Variants in FBXO11 observed in about 807,000 individuals in gnomAD.
The protein encoded by FBXO11 is F-box protein 11.
FBXO11 carries 13 observed loss-of-function variants against 117.0 expected under a neutral mutation model. The observed-to-expected ratio is 0.11, with a 90% confidence interval of 0.07 to 0.18. The LOEUF (loss-of-function observed/expected upper bound fraction) is 0.18, where lower values mean the gene tolerates loss of function less well. FBXO11 is among the 10% of genes least tolerant of loss of function. The pLI is 1.00. For missense variants in FBXO11, 767 were observed against 1,164.4 expected (o/e 0.66, Z 4.97); for synonymous variants, 490 against 380.5 (o/e 1.29, Z -3.35).
chr2:47,862,287 T>G (rs1023920723), intron 1 of FBXO11, among the ~76,000 whole-genome samples: 3 of 152,106 alleles, frequency 2.0e-5, no homozygotes, highest in African/African-American at 7.2e-5. Flanking sequence ...ATCTTGAAAT[T>G]TGAAAAAGCT....
intron 11 of FBXO11, 49 bp from the exon 12 acceptor site, chr2:47,823,409 A>C: frequency 7.4e-7 from 1 of 1,342,976 alleles, no homozygotes; most frequent in Non-Finnish European, 1.0e-6. Context: ...CTTTACAAAA[A>C]AAGAAATGCC....
At chr2:47,859,282 T>A (rs1410625929) in intron 1 of FBXO11, among the ~76,000 whole-genome samples, 1 of 151,878 alleles carries the variant, frequency 6.6e-6, no homozygotes, top group Non-Finnish European at 1.5e-5. Flanking sequence ...CATCCAGAGT[T>A]CAAAATATTA....
intron 1 of FBXO11, among the ~76,000 whole-genome samples, chr2:47,869,758 A>G (rs1304065301): frequency 6.6e-6 from 1 of 152,258 alleles, no homozygotes; most frequent in Non-Finnish European, 1.5e-5. Flanking sequence ...CGTGTTTTGC[A>G]TCCTTTTTTG....
At chr2:47,895,745 T>C (rs961497355) in intron 1 of FBXO11, among the ~76,000 whole-genome samples, 2 of 152,150 alleles carry the variant, frequency 1.3e-5, no homozygotes, top group South Asian at 2.1e-4. Context: ...CAGGCTGGAG[T>C]GCAGTGGCAT....
intron 1 of FBXO11, among the ~76,000 whole-genome samples, chr2:47,850,668 G>A (rs559849388): frequency 1.3e-5 from 2 of 152,272 alleles, no homozygotes; most frequent in South Asian, 2.1e-4. Flanking sequence ...TGTGGGCCCA[G>A]AATTGACCAA....
At chr2:47,862,173 G>C (rs1033708525) in intron 1 of FBXO11, among the ~76,000 whole-genome samples, 5 of 151,940 alleles carry the variant, frequency 3.3e-5, no homozygotes, top group Admixed American at 6.6e-5. Flanking sequence ...TGCCTGTTTC[G>C]GCCTCCCAAA....
At chr2:47,814,247 T>C (rs77292789) in intron 16 of FBXO11, 11,273 of 188,960 alleles carry the variant, frequency 0.06, 486 homozygotes, top group Middle Eastern at 0.11. Context: ...CATCAATTTT[T>C]TGGTTTACAT....
chr2:47,906,141 G>T lies in FBXO11; in HGVS notation c.-421C>A, dbSNP rs1287029103. On this transcript the variant is annotated 5_prime_UTR_variant, in exon 1 of 23. Coordinates refer to ENST00000403359, the MANE Select transcript of FBXO11 (RefSeq NM_001190274.2). Reference sequence around the variant, plus strand: ...ACTCGCGAGCGGCGTCTCCGGCAGCGGGGGGAGTGGGCGGGCGGGTGAGGA... The same window carrying T: ...ACTCGCGAGCGGCGTCTCCGGCAGCTGGGGGAGTGGGCGGGCGGGTGAGGA... 4.8e-6 allele frequency: 1 copy of T among 208,488 alleles called. No homozygotes were observed. Among genetic ancestry groups the T allele is most frequent in the Non-Finnish European group, 9.7e-6 (1 of 102,816 alleles). The allele number at this position is 208,488 out of a possible 1,614,324, so 12.9% of individuals were successfully genotyped here.
intron 1 of FBXO11, among the ~76,000 whole-genome samples, chr2:47,861,318 CTTTT>C (rs869265850): frequency 2.3e-5 from 3 of 132,624 alleles, no homozygotes; most frequent in Admixed American, 7.6e-5. Flanking sequence ...ATAGTCTGAC[CTTTT>C]TTTTTTTTTT....
chr2:47,868,520 G>A (rs551878966), intron 1 of FBXO11, among the ~76,000 whole-genome samples: 1 of 152,074 alleles, frequency 6.6e-6, no homozygotes, highest in Non-Finnish European at 1.5e-5. Context: ...TTTTATTTCT[G>A]GAACTCCTAA....
intron 1 of FBXO11, among the ~76,000 whole-genome samples, chr2:47,892,047 T>G (rs1365444753): frequency 6.6e-6 from 1 of 152,204 alleles, no homozygotes; most frequent in African/African-American, 2.4e-5. Flanking sequence ...TTTGCAAATA[T>G]TTTCTCCCAT....
At chr2:47,888,049 T>C in intron 1 of FBXO11, among the ~76,000 whole-genome samples, 1 of 152,086 alleles carries the variant, frequency 6.6e-6, no homozygotes, top group Non-Finnish European at 1.5e-5. Context: ...GAAAGATATA[T>C]ATATATGTAT....
At chr2:47,875,488 CTTTT>C (rs904064672) in intron 1 of FBXO11, among the ~76,000 whole-genome samples, 10 of 99,838 alleles carry the variant, frequency 1.0e-4, no homozygotes, top group South Asian at 2.8e-4. Flanking sequence ...TTCTGTCATT[CTTTT>C]TTTGTCTTTT....
chr2:47,874,534 TA>T (rs879264323), intron 1 of FBXO11, among the ~76,000 whole-genome samples: 17 of 146,664 alleles, frequency 1.2e-4, no homozygotes, highest in Admixed American at 2.7e-4. Flanking sequence ...GTACAAAATT[TA>T]AAAAAAAAAA....
chr2:47,856,312 T>C (rs1001051196), intron 1 of FBXO11, among the ~76,000 whole-genome samples: 1 of 151,920 alleles, frequency 6.6e-6, no homozygotes, highest in Non-Finnish European at 1.5e-5. Context: ...TCTTAAGAAA[T>C]TACTTGAAGA....
chr2:47,899,252 C>T (rs1343666771), intron 1 of FBXO11, among the ~76,000 whole-genome samples: 3 of 130,958 alleles, frequency 2.3e-5, no homozygotes, highest in African/African-American at 5.9e-5. Flanking sequence ...CCAGCCTGGG[C>T]GACAGAGCAA....
intron 1 of FBXO11, among the ~76,000 whole-genome samples, chr2:47,866,474 G>GTT (rs774659588): frequency 2.1e-5 from 3 of 142,210 alleles, no homozygotes; most frequent in African/African-American, 2.6e-5. Context: ...TAGCAAGTTT[G>GTT]TTTTTTTTTT....
intron 1 of FBXO11, among the ~76,000 whole-genome samples, chr2:47,890,389 A>C (rs1038505168): frequency 6.6e-6 from 1 of 152,202 alleles, no homozygotes; most frequent in African/African-American, 2.4e-5. Flanking sequence ...ATTAATAAGC[A>C]CTTAAAGCAC....
chr2:47,866,013 G>A (rs1675165360), intron 1 of FBXO11: 1 of 152,150 alleles, frequency 6.6e-6, no homozygotes, highest in African/African-American at 2.4e-5. Flanking sequence ...CACGTTGGGA[G>A]GCTGAGGCAG....
Sources: allele counts gnomAD v4.1 joint callset (sites outside exome capture counted in the v4.1 genomes callset), GRCh38; gene constraint gnomAD v4.1.1; transcripts MANE v1.5; gene names NCBI Gene and HGNC (gene_info 2026-07-23, HGNC 2026-07-21).